BOD1L1: variants seen among roughly 807,000 people sequenced by gnomAD.
BOD1L1 encodes biorientation of chromosomes in cell division 1 like 1.
BOD1L1 carries 86 observed loss-of-function variants against 240.7 expected under a neutral mutation model. The observed-to-expected ratio is 0.36, with a 90% CI of 0.30 to 0.43. The LOEUF is 0.43. BOD1L1 is among the 20% of genes least tolerant of loss of function. The pLI is 1.00. For synonymous variants in BOD1L1, 1,268 were observed against 1,272.3 expected, an observed-to-expected ratio of 1.00 and a Z score of 0.07; for missense variants, 3,554 against 3,643.5, an observed-to-expected ratio of 0.98 and a Z score of 0.63.
In BOD1L1 at chr4:13,614,497, T is replaced by C. The variant is rs1306253644; in HGVS notation, c.873A>G (p.Lys291=). The C allele has an allele frequency of 1.9e-6, 3 of 1,613,966 alleles. No homozygotes were observed. Among genetic ancestry groups the C allele is most frequent in the African/African-American group, 1.3e-5 (1 of 75,064 alleles). ...AATTATTATGCTCTTTTGTGTAATT[T>C]TTAATTTCTTCGACTGGACAGGGGA... ...SDLPCPVEEI[K]NYTKEHNNLI... Residue 291 remains lysine (K), a synonymous_variant, in exon 4 of 26, where the codon AAA becomes AAG. Coordinates refer to ENST00000040738, the MANE Select transcript of BOD1L1 (RefSeq NM_148894.3).
intron 10 of BOD1L1, 77 bp from the exon 11 acceptor site, chr4:13,597,245 T>C: frequency 1.7e-5 from 18 of 1,085,234 alleles, no homozygotes; most frequent in Non-Finnish European, 2.3e-5. Flanking sequence ...AGTAATGGAA[T>C]GTGGTTATCT....
intron 25 of BOD1L1, among the ~76,000 whole-genome samples, chr4:13,570,397 G>A (rs1046750341): frequency 6.6e-6 from 1 of 152,168 alleles, no homozygotes; most frequent in Non-Finnish European, 1.5e-5. Context: ...AGGTGCTGAT[G>A]GTGCTCAAAT....
chr4:13,569,882 G>T lies in BOD1L1; in HGVS notation c.*129C>A. 1 of 502,776 alleles carries T rather than the reference G, an allele frequency of 2.0e-6. No homozygotes were observed. The allele number at this position is 502,776 out of a possible 1,614,324, so 31.1% of individuals were successfully genotyped here. ...GCTGTTTAAAACATAACAAGAAAAA[G>T]CTTGCACCTAGGGACTTACAGCACA... On this transcript the variant is annotated 3_prime_UTR_variant, in exon 26 of 26. Transcript: ENST00000040738.
intron 2 of BOD1L1, 28 bp from the exon 3 acceptor site, chr4:13,615,530 G>C (rs1404482592): frequency 6.5e-7 from 1 of 1,548,374 alleles, no homozygotes; most frequent in South Asian, 1.2e-5. Flanking sequence ...TTATGGAAAG[G>C]TGAAAAAATA....
chr4:13,611,010 T>C lies in BOD1L1; in HGVS notation c.1415A>G (p.His472Arg), dbSNP rs753397168. ...KTKSVRHAYVHKPYLYSKYYS... is the reference protein window; with the variant it reads ...KTKSVRHAYVRKPYLYSKYYS... ...GTATTTTGAGTAAAGATATGGTTTG[T>C]GGACATACGCATGCCGTACACTTTT... Residue 472 changes from histidine (H) to arginine (R), a missense_variant, in exon 6 of 26, where the codon CAC becomes CGC. Coordinates refer to ENST00000040738, the MANE Select transcript of BOD1L1 (RefSeq NM_148894.3). 1 of 1,612,554 alleles carries C rather than the reference T, an allele frequency of 6.2e-7. No homozygotes were observed. Among genetic ancestry groups the C allele is most frequent in the Non-Finnish European group, 8.5e-7 (1 of 1,178,962 alleles).
chr4:13,579,380 T>C (rs1049401172), intron 22 of BOD1L1, among the ~76,000 whole-genome samples: 3 of 152,228 alleles, frequency 2.0e-5, no homozygotes, highest in African/African-American at 7.2e-5. Flanking sequence ...TGAAGTACGA[T>C]CACACATAGT....
rs374058867 is a variant in BOD1L1 at position 13,621,834 on chromosome 4, T to C, written c.244-1767A>G. ...GATCATTTCCTATGTGCCTGTCCAT[T>C]TATCCAAAATCGATATGAACTAAAA... On this transcript the variant is annotated intron_variant, in intron 1 of 25. Transcript: ENST00000040738. 2.6e-4 allele frequency among the ~76,000 whole-genome samples: 40 copies of C among 152,052 alleles called. No individual in the cohort carries two copies. In the East Asian group the frequency reaches 7.6e-3, roughly 29 times the overall value.
chr4:13,575,015 G>T (rs1299404775), intron 25 of BOD1L1, among the ~76,000 whole-genome samples: 1 of 151,850 alleles, frequency 6.6e-6, no homozygotes, highest in Admixed American at 6.5e-5. Context: ...CACCTCCCGA[G>T]TTCAAGCGAT....
At chr4:13,598,807 TTA>T in intron 10 of BOD1L1, 137 bp downstream of exon 10, 1 of 865,752 alleles carries the variant, frequency 1.2e-6, no homozygotes. Context: ...TTTTGCAACA[TTA>T]TGATATGAGA....
chr4:13,572,506 C>T (rs1272764138), intron 25 of BOD1L1, among the ~76,000 whole-genome samples: 1 of 152,236 alleles, frequency 6.6e-6, no homozygotes, highest in African/African-American at 2.4e-5. Context: ...TGTGGCAGTC[C>T]ACTGCGGCAA....
In BOD1L1 at chr4:13,602,511, T is replaced by C. The variant is rs1479963966; in HGVS notation, c.4389A>G (p.Pro1463=). Residue 1463 remains proline, a synonymous_variant, in exon 10 of 26, where the codon CCA becomes CCG. Coordinates refer to ENST00000040738, the MANE Select transcript of BOD1L1 (RefSeq NM_148894.3). ...CAATTGATATGTCTTTTACTTTACCTGGGCTTCTTTTATGCTTAAGTTTGA... is the reference window on the plus strand; with the variant it reads ...CAATTGATATGTCTTTTACTTTACCCGGGCTTCTTTTATGCTTAAGTTTGA... The part of the protein sequence containing the change: ...ETVKLKHKRS[P]GKVKDISIDV... 6 of 1,613,918 alleles carry C rather than the reference T, an allele frequency of 3.7e-6. No homozygotes were observed. The highest frequency in any genetic ancestry group is 5.1e-6 in the Non-Finnish European group (6 of 1,179,898).
At chr4:13,587,568 A>C in intron 16 of BOD1L1, 131 bp downstream of exon 16, 1 of 674,024 alleles carries the variant, frequency 1.5e-6, no homozygotes, top group Non-Finnish European at 2.5e-6. Context: ...GTCTAGAAAC[A>C]AATTAGCCTC....
At chr4:13,598,265 A>G (rs1346336746) in intron 10 of BOD1L1, among the ~76,000 whole-genome samples, 2 of 152,238 alleles carry the variant, frequency 1.3e-5, no homozygotes, top group African/African-American at 4.8e-5. Context: ...TTTCAAATAT[A>G]TTCTAAACTA....
intron 8 of BOD1L1, 79 bp downstream of exon 8, chr4:13,608,451 T>C: frequency 7.8e-7 from 1 of 1,289,542 alleles, no homozygotes; most frequent in Non-Finnish European, 1.0e-6. Flanking sequence ...TACAACTCTT[T>C]ACTGTCACTT....
rs772644081 is a variant in BOD1L1 at position 13,603,225 on chromosome 4, A to G, written c.3675T>C (p.His1225=). 6.2e-7 allele frequency: 1 copy of G among 1,614,006 alleles called. No homozygotes were observed. Among genetic ancestry groups the G allele is most frequent in the South Asian group, 1.1e-5 (1 of 91,080 alleles). ...KMNPGEKEPI[H]RGTTEVNIDS... ...CTATATTCACTTCAGTAGTTCCTCT[A>G]TGAATGGGTTCTTTCTCCCCAGGGT... The change falls in exon 10 of 26, where the codon CAT becomes CAC. Residue 1225 remains histidine (H), a synonymous_variant. Transcript: ENST00000040738.
At chr4:13,607,079 C>A in intron 9 of BOD1L1, 38 bp downstream of exon 9, 1 of 1,375,094 alleles carries the variant, frequency 7.3e-7, no homozygotes, top group South Asian at 1.3e-5. Flanking sequence ...CTATATCTAA[C>A]AAAACAGCAT....
At chr4:13,573,519 A>ATCTTTCTT (rs34909266) in intron 25 of BOD1L1, among the ~76,000 whole-genome samples, 10 of 134,184 alleles carry the variant, frequency 7.5e-5, no homozygotes, top group Admixed American at 3.0e-4. Flanking sequence ...CTATCTATCT[A>ATCTTTCTT]TCTTTCTTTC....
intron 15 of BOD1L1, 39 bp downstream of exon 15, chr4:13,588,683 T>A: frequency 7.0e-7 from 1 of 1,423,690 alleles, no homozygotes; most frequent in Non-Finnish European, 9.6e-7. Flanking sequence ...GAAAATATTA[T>A]GTATAAAATA....
intron 2 of BOD1L1, among the ~76,000 whole-genome samples, chr4:13,618,178 T>G (rs1472921186): frequency 6.6e-6 from 1 of 152,222 alleles, no homozygotes; most frequent in African/African-American, 2.4e-5. Flanking sequence ...CCTTATAGAT[T>G]TTATACGCTA....
Sources: allele counts gnomAD v4.1 joint callset (sites outside exome capture counted in the v4.1 genomes callset), GRCh38; gene constraint gnomAD v4.1.1; transcripts MANE v1.5; gene names NCBI Gene and HGNC (gene_info 2026-07-23, HGNC 2026-07-21).